MTAP: variants seen among roughly 807,000 people sequenced by gnomAD.
The protein encoded by MTAP is S-methyl-5'-thioadenosine phosphorylase.
Under a neutral mutation model 33.6 loss-of-function variants are expected in MTAP, and 33 were observed. The ratio of observed to expected loss-of-function variants is 0.98; its 90% CI spans 0.74 to 1.31. MTAP has a LOEUF of 1.31. MTAP is among the 40% of genes most tolerant of loss of function. The pLI is 0.00. For missense variants in MTAP, 367 were observed against 360.0 expected (o/e 1.02, Z -0.16); for synonymous variants, 148 against 125.7 (o/e 1.18, Z -1.19).
chr9:21,927,949 C>T (rs2131043148), intron 1 of MTAP, among the ~76,000 whole-genome samples: 1 of 152,322 alleles, frequency 6.6e-6, no homozygotes, highest in South Asian at 2.1e-4. Context: ...CAGCAGTGCA[C>T]TGTAAAGAAT....
At chr9:21,807,902 G>C (rs952685249) in intron 1 of MTAP, among the ~76,000 whole-genome samples, 3 of 152,236 alleles carry the variant, frequency 2.0e-5, no homozygotes, top group Admixed American at 6.5e-5. Flanking sequence ...AGGTACAGCT[G>C]AGGAAGCAGT....
At chr9:21,805,915 A>C (rs1824196497) in intron 1 of MTAP, among the ~76,000 whole-genome samples, 2 of 152,198 alleles carry the variant, frequency 1.3e-5, no homozygotes. Context: ...TGAAGACCTG[A>C]GGAGAGAGAT....
chr9:21,906,174 A>G lies in MTAP; in HGVS notation c.148-24834A>G, dbSNP rs543632631. ...AAAATACAAAACTCAAGAAGGAACAATCTTCCACGCACAAATGTTAGCAGA... is the reference window on the plus strand; with the variant it reads ...AAAATACAAAACTCAAGAAGGAACAGTCTTCCACGCACAAATGTTAGCAGA... On this transcript the variant is annotated intron_variant, in intron 1 of 1. Transcript: ENST00000577563. Among the ~76,000 whole-genome samples, 5 of 152,362 alleles carry G rather than the reference A, an allele frequency of 3.3e-5. No individual in the cohort carries two copies. In the South Asian group the frequency reaches 6.2e-4, roughly 19 times the overall value.
At chr9:21,806,904 C>G (rs1416794979) in intron 1 of MTAP, among the ~76,000 whole-genome samples, 1 of 152,120 alleles carries the variant, frequency 6.6e-6, no homozygotes, top group Non-Finnish European at 1.5e-5. Flanking sequence ...TGGCTCATGC[C>G]TGTAATCCCA....
At chr9:21,899,785 A>C (rs1054963324) in intron 1 of MTAP, among the ~76,000 whole-genome samples, 2 of 152,028 alleles carry the variant, frequency 1.3e-5, no homozygotes, top group Non-Finnish European at 2.9e-5. Context: ...TGAGATTTGG[A>C]TGGGAACACA....
At chr9:21,855,036 A>T (rs557349859) in intron 6 of MTAP, among the ~76,000 whole-genome samples, 166 bp downstream of exon 6, 1 of 152,350 alleles carries the variant, frequency 6.6e-6, no homozygotes, top group African/African-American at 2.4e-5. Context: ...AACAAAGATC[A>T]AAGGAAAGAA....
chr9:21,903,470 T>C (rs1818423719), intron 1 of MTAP, among the ~76,000 whole-genome samples: 1 of 152,170 alleles, frequency 6.6e-6, no homozygotes, highest in African/African-American at 2.4e-5. Flanking sequence ...ACTTCTCACA[T>C]TGCTGCCATC....
intron 1 of MTAP, among the ~76,000 whole-genome samples, chr9:21,808,087 G>C (rs1310022011): frequency 2.0e-5 from 3 of 152,208 alleles, no homozygotes; most frequent in Non-Finnish European, 4.4e-5. Flanking sequence ...CCCAGTCCCA[G>C]TGAATCAGAA....
At chr9:21,824,091 C>A (rs989127369) in intron 4 of MTAP, among the ~76,000 whole-genome samples, 3 of 152,108 alleles carry the variant, frequency 2.0e-5, no homozygotes, top group Non-Finnish European at 2.9e-5. Context: ...TTGTCTGAAG[C>A]CTTCTCTCAA....
intron 1 of MTAP, among the ~76,000 whole-genome samples, chr9:21,806,275 C>T (rs1824205680): frequency 6.6e-6 from 1 of 151,924 alleles, no homozygotes; most frequent in Non-Finnish European, 1.5e-5. Context: ...ATAGAATTTG[C>T]AGGTAGAACA....
chr9:21,939,295 C>T (rs1447624291), downstream of MTAP, among the ~76,000 whole-genome samples: 1 of 152,156 alleles, frequency 6.6e-6, no homozygotes, highest in African/African-American at 2.4e-5. Flanking sequence ...GACTAATGCA[C>T]ATGGGATAAA....
intron 1 of MTAP, among the ~76,000 whole-genome samples, chr9:21,878,661 C>A (rs1026114576): frequency 5.3e-5 from 8 of 152,022 alleles, no homozygotes; most frequent in Non-Finnish European, 4.4e-5. Context: ...TGCACCCAGC[C>A]AAGATCTTGC....
intron 1 of MTAP, chr9:21,930,132 A>G: frequency 2.3e-6 from 1 of 436,584 alleles, no homozygotes; most frequent in Admixed American, 2.5e-5. Flanking sequence ...TCCACAGCAG[A>G]ATGGGTTCTA....
intron 5 of MTAP, among the ~76,000 whole-genome samples, chr9:21,839,173 G>GTTTTTT (rs10634119): frequency 7.0e-6 from 1 of 143,766 alleles, no homozygotes; most frequent in African/African-American, 2.6e-5. Flanking sequence ...CTTTTACTTG[G>GTTTTTT]TTTTTTTTTT....
chr9:21,815,572 C>T (rs756947076), intron 2 of MTAP, 53 bp downstream of exon 2: 50 of 1,138,006 alleles, frequency 4.4e-5, no homozygotes, highest in Non-Finnish European at 4.6e-5. Flanking sequence ...TTTCTCCTTG[C>T]TGGCTTGATT....
chr9:21,935,768 T>C (rs928633566), downstream of MTAP: 26 of 152,106 alleles, frequency 1.7e-4, no homozygotes, highest in South Asian at 4.2e-4. Flanking sequence ...TCATCCCACA[T>C]TGGAGGAAGA....
Position 21,861,982 on chromosome 9 carries a change from G to T in MTAP, c.820G>T (p.Ala274Ser), listed in dbSNP as rs775627882. 6.3e-6 allele frequency: 10 copies of T among 1,578,330 alleles called. No homozygotes were observed. The South Asian group carries it at 7.8e-5, about 12-fold the overall frequency. Residue 274 changes from alanine to serine, a missense_variant, in exon 8 of 8, where the codon GCC becomes TCC. Transcript: ENST00000644715. Reference protein sequence around the residue: ...SETLHNLKNMAQFSVLLPRH With the variant: ...SETLHNLKNMSQFSVLLPRH Reference sequence around the variant, plus strand: ...CCTCCTTTCTTCCTTTCAGAATATGGCCCAGTTTTCTGTTTTATTACCAAG... The same window carrying T: ...CCTCCTTTCTTCCTTTCAGAATATGTCCCAGTTTTCTGTTTTATTACCAAG...
In MTAP at chr9:21,830,483, TA is replaced by T. The variant is rs1824939654; in HGVS notation, c.348-7421del. 2.6e-5 allele frequency among the ~76,000 whole-genome samples: 4 copies of T among 152,232 alleles called. No homozygotes were observed. The South Asian group carries it at 8.3e-4, about 32-fold the overall frequency. Reference sequence around the variant, plus strand: ...CCACAAGTCATTTGGCCACTGAGGGTAAAAGATGGTTAGGAGTGGGATTTGT... The same window carrying T: ...CCACAAGTCATTTGGCCACTGAGGGTAAAGATGGTTAGGAGTGGGATTTGT... On this transcript the variant is annotated intron_variant, in intron 4 of 7. Transcript: ENST00000644715.
At chr9:21,844,199 C>G (rs1385066191) in intron 5 of MTAP, among the ~76,000 whole-genome samples, 1 of 152,088 alleles carries the variant, frequency 6.6e-6, no homozygotes, top group African/African-American at 2.4e-5. Flanking sequence ...AAACCCTAAA[C>G]AGACCAATAA....
Sources: gnomAD v4.1 joint callset for allele counts (sites outside exome capture counted in the v4.1 genomes callset) on GRCh38, gnomAD v4.1.1 for gene constraint, MANE v1.5 for transcripts, NCBI Gene and HGNC (gene_info 2026-07-23, HGNC 2026-07-21) for gene names.